OPCML: variants seen among roughly 807,000 people sequenced by gnomAD.
OPCML encodes the protein opioid binding protein/cell adhesion molecule like.
A neutral mutation model predicts 37.8 loss-of-function variants in OPCML; 13 were observed. The observed-to-expected ratio is 0.34, with a 90% CI of 0.22 to 0.55. The LOEUF is 0.55. OPCML is among the 20% of genes least tolerant of loss of function. The pLI is 0.91. For missense variants in OPCML, 341 were observed against 435.6 expected (o/e 0.78, Z 1.93); for synonymous variants, 176 against 168.8 (o/e 1.04, Z -0.33).
At chr11:133,187,903 T>C (rs11223384) in intron 1 of OPCML, among the ~76,000 whole-genome samples, 11,660 of 152,228 alleles carry the variant, frequency 0.077, 641 homozygotes, top group East Asian at 0.26. Flanking sequence ...AAATAAACTG[T>C]CTCAGACCAC....
chr11:132,617,783 G>C (rs1046287612), intron 3 of OPCML, among the ~76,000 whole-genome samples: 1 of 152,150 alleles, frequency 6.6e-6, no homozygotes, highest in Admixed American at 6.5e-5. Flanking sequence ...CACACATAAA[G>C]ATCACTGACA....
chr11:132,975,321 C>T (rs1394825897), intron 1 of OPCML, among the ~76,000 whole-genome samples: 1 of 151,290 alleles, frequency 6.6e-6, no homozygotes, highest in Non-Finnish European at 1.5e-5. Flanking sequence ...TGGAAGTCCT[C>T]TCTGATGAAG....
At chr11:133,493,612 T>C (rs1947714302) in intron 1 of OPCML, among the ~76,000 whole-genome samples, 3 of 152,082 alleles carry the variant, frequency 2.0e-5, no homozygotes, top group Non-Finnish European at 4.4e-5. Flanking sequence ...CATCTCTTTG[T>C]CTCCATTTAA....
chr11:133,516,860 G>A (rs1391147667), intron 1 of OPCML, among the ~76,000 whole-genome samples: 1 of 152,128 alleles, frequency 6.6e-6, no homozygotes, highest in Non-Finnish European at 1.5e-5. Flanking sequence ...AGAATATTCT[G>A]GATGCAGGTC....
chr11:133,473,176 C>CG lies in OPCML; in HGVS notation c.61+59087_61+59088insC, dbSNP rs202227850. On this transcript the variant is annotated intron_variant, in intron 1 of 7. Transcript: ENST00000524381. ...TTCTGGAACTTGACTTTGACCTCCC[C>CG]CTAAGGCAGGCAACAAGGTTGACAA... Among the ~76,000 whole-genome samples the CG allele has an allele frequency of 4.7e-3, 708 of 152,190 alleles. 6 individuals carry two copies. The highest frequency in any genetic ancestry group is 0.016 in the African/African-American group (685 of 41,534).
At chr11:133,531,022 T>C (rs1948594235) in intron 1 of OPCML, among the ~76,000 whole-genome samples, 1 of 152,204 alleles carries the variant, frequency 6.6e-6, no homozygotes, top group African/African-American at 2.4e-5. Context: ...CATTCCTGTC[T>C]GTGTATATAT....
chr11:133,206,214 A>G lies in OPCML; in HGVS notation c.62-263204T>C, dbSNP rs1939056210. 6.6e-6 allele frequency among the ~76,000 whole-genome samples: 1 copy of G among 152,212 alleles called. No individual in the cohort carries two copies. On this transcript the variant is annotated intron_variant, in intron 1 of 7. Coordinates refer to ENST00000524381, the MANE Select transcript of OPCML (RefSeq NM_001012393.5). The surrounding 1 kb of genome is among the most constrained non-coding windows in gnomAD (Gnocchi z 4.7). Reference sequence around the variant, plus strand: ...GTGCCTAAAACGTCATCAATGCTCAATGAATGCGAGCAGTACATTAAAGAT... The same window carrying G: ...GTGCCTAAAACGTCATCAATGCTCAGTGAATGCGAGCAGTACATTAAAGAT...
chr11:132,543,332 C>CA (rs1156490107), intron 3 of OPCML, among the ~76,000 whole-genome samples: 2 of 151,978 alleles, frequency 1.3e-5, no homozygotes, highest in African/African-American at 4.8e-5. Context: ...GGCAATGTAG[C>CA]AAGTCCCTGT....
chr11:133,462,972 A>C (rs1946889867), intron 1 of OPCML, among the ~76,000 whole-genome samples: 1 of 152,148 alleles, frequency 6.6e-6, no homozygotes, highest in African/African-American at 2.4e-5. Flanking sequence ...AAAATGTGAT[A>C]TGTACACACA....
intron 1 of OPCML, among the ~76,000 whole-genome samples, chr11:133,180,448 A>AGT (rs1271330444): frequency 6.6e-6 from 1 of 152,136 alleles, no homozygotes; most frequent in African/African-American, 2.4e-5. Flanking sequence ...ACCCCTGCTC[A>AGT]GTGTCAATAT....
intron 1 of OPCML, chr11:133,024,873 G>A: frequency 2.0e-6 from 2 of 985,398 alleles, no homozygotes; most frequent in South Asian, 9.4e-5. Context: ...CTATGCCAGT[G>A]ATTTTCCAAA....
chr11:133,286,046 G>A (rs563761248), intron 1 of OPCML, among the ~76,000 whole-genome samples: 55 of 152,078 alleles, frequency 3.6e-4, no homozygotes, highest in African/African-American at 1.3e-3. Flanking sequence ...TCCTTGAAAG[G>A]GGGAGACAAG....
intron 1 of OPCML, among the ~76,000 whole-genome samples, chr11:133,419,752 A>G (rs779151349): frequency 3.4e-4 from 51 of 152,204 alleles, no homozygotes; most frequent in Non-Finnish European, 6.3e-4. Context: ...GAAAATGTTA[A>G]TAATAATAGA....
chr11:132,720,424 A>G (rs1944636382), intron 2 of OPCML, among the ~76,000 whole-genome samples: 1 of 152,254 alleles, frequency 6.6e-6, no homozygotes, highest in East Asian at 1.9e-4. Flanking sequence ...CATCCATTTT[A>G]AATTCCAAAC....
intron 1 of OPCML, chr11:133,005,370 G>C (rs1193659604): frequency 6.1e-6 from 6 of 985,380 alleles, no homozygotes; most frequent in Non-Finnish European, 7.2e-6. Context: ...TACAGCAAAT[G>C]CCGTTTCTCA....
intron 2 of OPCML, among the ~76,000 whole-genome samples, chr11:132,709,042 G>T (rs1944153512): frequency 2.6e-5 from 4 of 152,050 alleles, no homozygotes; most frequent in Admixed American, 2.6e-4. Context: ...AACTTAAAGG[G>T]AATTTCACCA....
intron 1 of OPCML, among the ~76,000 whole-genome samples, chr11:133,108,745 A>G (rs1045453440): frequency 1.3e-5 from 2 of 152,146 alleles, no homozygotes; most frequent in Admixed American, 1.3e-4. Flanking sequence ...CAAATTCCAT[A>G]TTTAATTAAT....
chr11:133,420,962 G>A lies in OPCML; in HGVS notation c.61+111302C>T, dbSNP rs780768038. ...GTCTTGAAAATGAGATTTTTAGTCA[G>A]GTGGGTGCATGGCTGGGAAAAAAAG... On this transcript the variant is annotated intron_variant, in intron 1 of 7. Transcript: ENST00000524381. 3.5e-4 allele frequency: 340 copies of A among 985,172 alleles called. 1 individual carries two copies. The highest frequency in any genetic ancestry group is 5.2e-4 in the Middle Eastern group (1 of 1,936). The allele number at this position is 985,172 out of a possible 1,614,324, so 61.0% of individuals were successfully genotyped here. A position where few individuals can be genotyped will look rare whatever the true frequency, so the allele number is the denominator to read the frequency against.
chr11:132,910,161 G>C (rs1944378484), intron 2 of OPCML, among the ~76,000 whole-genome samples: 2 of 152,224 alleles, frequency 1.3e-5, no homozygotes, highest in African/African-American at 4.8e-5. Context: ...TCGTTTCACT[G>C]CAATTAAAGC....
Sources: allele counts gnomAD v4.1 joint callset (sites outside exome capture counted in the v4.1 genomes callset), GRCh38; gene constraint gnomAD v4.1.1; non-coding constraint Gnocchi (gnomAD v3.1); transcripts MANE v1.5; gene names NCBI Gene and HGNC (gene_info 2026-07-23, HGNC 2026-07-21).